The following USH2A variants were observed in gnomAD, a reference collection of about 807,000 sequenced individuals.
The protein encoded by USH2A is Usher syndrome 2A (autosomal recessive, mild).
In USH2A, 443 loss-of-function variants were observed where a neutral mutation model predicts 538.9. The ratio of observed to expected loss-of-function variants is 0.82; its 90% CI spans 0.76 to 0.89. USH2A has a LOEUF of 0.89. USH2A is among the 40% of genes least tolerant of loss of function. USH2A has a pLI of 0.00. For synonymous variants in USH2A, 2,413 were observed against 2,273.5 expected (o/e 1.06, Z -1.75); for missense variants, 6,633 against 6,324.8 (o/e 1.05, Z -1.65).
intron 47 of USH2A, among the ~76,000 whole-genome samples, chr1:215,837,024 A>T (rs1168926047): frequency 1.3e-5 from 2 of 152,126 alleles, no homozygotes; most frequent in Non-Finnish European, 2.9e-5. Context: ...AAATTAGATC[A>T]GTATCTATCA....
Position 215,634,716 on chromosome 1 carries a change from GAGAA to G in USH2A, c.15053-17_15053-14del, listed in dbSNP as rs1367868518. On this transcript the variant is annotated splice_polypyrimidine_tract_variant and intron_variant, in intron 69 of 71. Transcript: ENST00000307340. ...GTTAGGACCAAGCCTGCAAAACCCA[GAGAA>G]AGAAAGGGGAAATGTTATTTCAGAA... 2.8e-5 allele frequency: 45 copies of G among 1,614,068 alleles called. No individual in the cohort carries two copies. Among genetic ancestry groups the G allele is most frequent in the Non-Finnish European group, 3.6e-5 (42 of 1,180,046 alleles).
intron 38 of USH2A, among the ~76,000 whole-genome samples, chr1:215,920,410 T>C (rs568763123): frequency 7.9e-5 from 12 of 152,062 alleles, no homozygotes; most frequent in Non-Finnish European, 1.5e-4. Context: ...GATAAAAATG[T>C]AGATGTTTAC....
intron 11 of USH2A, among the ~76,000 whole-genome samples, chr1:216,281,306 C>CT: frequency 6.6e-6 from 1 of 152,046 alleles, no homozygotes; most frequent in South Asian, 2.1e-4. Flanking sequence ...GAAAATTCTC[C>CT]TTTTTTTCTG....
At chr1:215,718,560 C>T (rs978156833) in intron 61 of USH2A, among the ~76,000 whole-genome samples, 17 of 152,192 alleles carry the variant, frequency 1.1e-4, no homozygotes, top group Non-Finnish European at 1.6e-4. Flanking sequence ...TAATGCAATT[C>T]CCTCTCTATT....
chr1:215,764,635 A>G (rs1661076130), intron 56 of USH2A, among the ~76,000 whole-genome samples: 1 of 152,122 alleles, frequency 6.6e-6, no homozygotes, highest in Non-Finnish European at 1.5e-5. Context: ...CACTTCTTTT[A>G]ATTCTTTCCA....
rs1338455389 is a variant in USH2A at position 216,177,518 on chromosome 1, C to A, written c.4397-2036G>T. 2.0e-5 allele frequency among the ~76,000 whole-genome samples: 3 copies of A among 152,078 alleles called. No homozygotes were observed. In the East Asian group the frequency reaches 5.8e-4, roughly 29 times the overall value. ...AGCAGTTTACACACAACGGTCCAGG[C>A]AACTAACTTTGGTCAGCCTCTTGGT... On this transcript the variant is annotated intron_variant, in intron 20 of 71. Transcript: ENST00000307340.
intron 37 of USH2A, among the ~76,000 whole-genome samples, chr1:215,960,406 G>C (rs531593395): frequency 1.3e-5 from 2 of 152,104 alleles, no homozygotes; most frequent in African/African-American, 2.4e-5. Context: ...TTATAAACCT[G>C]TTATCTATAA....
intron 21 of USH2A, among the ~76,000 whole-genome samples, chr1:216,130,987 T>C (rs1281562879): frequency 6.6e-6 from 1 of 152,022 alleles, no homozygotes; most frequent in African/African-American, 2.4e-5. Flanking sequence ...TTTTATTTTT[T>C]TGATTATGGC....
intron 44 of USH2A, among the ~76,000 whole-genome samples, chr1:215,846,717 A>C (rs1283603373): frequency 6.6e-6 from 1 of 152,248 alleles, no homozygotes; most frequent in African/African-American, 2.4e-5. Context: ...GAAAGTATAC[A>C]GTACATAGAA....
At chr1:216,028,137 C>T (rs1000622275) in intron 32 of USH2A, among the ~76,000 whole-genome samples, 1 of 152,136 alleles carries the variant, frequency 6.6e-6, no homozygotes, top group Non-Finnish European at 1.5e-5. Flanking sequence ...CCTGTAATCT[C>T]AGCACTTTGG....
At chr1:215,631,194 A>G (rs1192297074) in intron 70 of USH2A, among the ~76,000 whole-genome samples, 1 of 151,754 alleles carries the variant, frequency 6.6e-6, no homozygotes, top group East Asian at 1.9e-4. Flanking sequence ...TCACAGCAGC[A>G]CTGAAACCAG....
intron 10 of USH2A, among the ~76,000 whole-genome samples, chr1:216,290,355 C>T (rs980536444): frequency 6.6e-6 from 1 of 152,128 alleles, no homozygotes; most frequent in Non-Finnish European, 1.5e-5. Flanking sequence ...TTTCCATTTA[C>T]ATATGCTGTT....
intron 11 of USH2A, among the ~76,000 whole-genome samples, chr1:216,255,099 C>G (rs2036235477): frequency 6.6e-6 from 1 of 152,152 alleles, no homozygotes; most frequent in Non-Finnish European, 1.5e-5. Flanking sequence ...ATTCACAGTT[C>G]AAGCCATGGA....
At chr1:216,334,009 A>G (rs7542221) in intron 4 of USH2A, among the ~76,000 whole-genome samples, 149,171 of 152,122 alleles carry the variant, frequency 0.98, 73,201 homozygotes, top group South Asian at 1. Context: ...AATGTAATCC[A>G]GATGAAGAAA....
chr1:215,813,589 A>G, intron 49 of USH2A, 147 bp downstream of exon 49: 1 of 918,376 alleles, frequency 1.1e-6, no homozygotes, highest in Non-Finnish European at 1.7e-6. Flanking sequence ...GAAGGAAGAA[A>G]CAATATTTAG....
At chr1:216,305,859 G>T (rs2037307182) in intron 9 of USH2A, among the ~76,000 whole-genome samples, 1 of 152,132 alleles carries the variant, frequency 6.6e-6, no homozygotes, top group African/African-American at 2.4e-5. Flanking sequence ...CTAGCTTGCA[G>T]GGTTTCTGCT....
Position 215,846,059 on chromosome 1 carries a change from G to C in USH2A, c.8846-26C>G, listed in dbSNP as rs749216511. On this transcript the variant is annotated intron_variant, in intron 44 of 71. Transcript: ENST00000307340. Reference sequence around the variant, plus strand: ...CTGTCAACAATAAATGCAGGACATGGTGAATGTAGCTGAGGCTTTCAGGGG... The same window carrying C: ...CTGTCAACAATAAATGCAGGACATGCTGAATGTAGCTGAGGCTTTCAGGGG... 8 of 1,607,974 alleles carry C rather than the reference G, an allele frequency of 5.0e-6. No homozygotes were observed. In the South Asian group the frequency reaches 8.8e-5, roughly 18 times the overall value.
At chr1:215,756,012 G>T (rs1386125912) in intron 58 of USH2A, among the ~76,000 whole-genome samples, 1 of 152,134 alleles carries the variant, frequency 6.6e-6, no homozygotes, top group East Asian at 1.9e-4. Context: ...CCCAGCAAAT[G>T]TTGGAACAAA....
rs146156360 is a variant in USH2A, at chr1:215,674,812, C to T, written c.13099G>A (p.Val4367Ile). 226 of 1,614,096 alleles carry T rather than the reference C, an allele frequency of 1.4e-4. 1 individual carries two copies. Among genetic ancestry groups the T allele is most frequent in the East Asian group, 1.2e-3 (52 of 44,860 alleles). The change falls in exon 63 of 72, where the codon GTC becomes ATC. Residue 4367 changes from valine (V) to isoleucine (I), a missense_variant. Coordinates refer to ENST00000307340, the MANE Select transcript of USH2A (RefSeq NM_206933.4). ...CATACATTCATTTGAGTGGCACTGACGGCCCAAAGATCTGGAGGGCTGACT... is the reference window on the plus strand; with the variant it reads ...CATACATTCATTTGAGTGGCACTGATGGCCCAAAGATCTGGAGGGCTGACT... ...SEVSPPDLWAVSATQMNVCWS... is the reference protein window; with the variant it reads ...SEVSPPDLWAISATQMNVCWS...
Sources: gnomAD v4.1 joint callset for allele counts (sites outside exome capture counted in the v4.1 genomes callset) on GRCh38, gnomAD v4.1.1 for gene constraint, MANE v1.5 for transcripts, NCBI Gene and HGNC (gene_info 2026-07-23, HGNC 2026-07-21) for gene names.